GTF2E2: variants seen among roughly 807,000 people sequenced by gnomAD.
GTF2E2 encodes general transcription factor IIE subunit 2.
Under a neutral mutation model 40.5 loss-of-function variants are expected in GTF2E2, and 21 were observed. The observed-to-expected ratio is 0.52, with a 90% CI of 0.37 to 0.75. The LOEUF is 0.75. Among genes scored for constraint, GTF2E2 ranks in the 30% least tolerant of loss-of-function variants. The probability of loss-of-function intolerance (pLI) is 0.00; values close to 1 mark genes in which losing one functional copy is unlikely to be tolerated. For synonymous variants in GTF2E2, 117 were observed against 121.6 expected, an observed-to-expected ratio of 0.96 and a Z score of 0.25; for missense variants, 298 against 338.4, an observed-to-expected ratio of 0.88 and a Z score of 0.94.
At chr8:30,588,867 G>A (rs1012585560) in intron 6 of GTF2E2, among the ~76,000 whole-genome samples, 3 of 152,180 alleles carry the variant, frequency 2.0e-5, no homozygotes, top group African/African-American at 2.4e-5. Context: ...AAGATAATAC[G>A]TTTGTGTTGT....
At chr8:30,614,805 G>A (rs984968262) in intron 3 of GTF2E2, 90 bp from the exon 4 acceptor site, 9 of 702,492 alleles carry the variant, frequency 1.3e-5, no homozygotes, top group African/African-American at 1.1e-4. Flanking sequence ...CTTCAGGAAT[G>A]AAAAACATGT....
intron 2 of GTF2E2, among the ~76,000 whole-genome samples, chr8:30,637,906 C>T (rs923854555): frequency 2.6e-5 from 4 of 152,212 alleles, no homozygotes; most frequent in Non-Finnish European, 5.9e-5. Flanking sequence ...AATTAAAAAC[C>T]TTCATTCTGT....
chr8:30,632,777 A>G (rs1585986973), intron 3 of GTF2E2, among the ~76,000 whole-genome samples: 1 of 152,206 alleles, frequency 6.6e-6, no homozygotes, highest in Non-Finnish European at 1.5e-5. Flanking sequence ...TTTGCTTTCA[A>G]TAAAACTGAA....
At chr8:30,607,193 T>G in intron 5 of GTF2E2, 43 bp from the exon 6 acceptor site, 1 of 735,212 alleles carries the variant, frequency 1.4e-6, no homozygotes, top group Non-Finnish European at 2.3e-6. Flanking sequence ...TAACTCCAAA[T>G]TACCTCACCA....
At chr8:30,620,629 A>G (rs1272343007) in intron 3 of GTF2E2, among the ~76,000 whole-genome samples, 2 of 152,124 alleles carry the variant, frequency 1.3e-5, no homozygotes, top group Non-Finnish European at 2.9e-5. Flanking sequence ...GAAAATTTTA[A>G]TAAGAGTTAG....
chr8:30,632,741 T>TGG (rs1801478391), intron 3 of GTF2E2, among the ~76,000 whole-genome samples: 1 of 152,142 alleles, frequency 6.6e-6, no homozygotes, highest in Middle Eastern at 3.2e-3. Context: ...AACAAATCCT[T>TGG]TGGCAAGTTG....
intron 1 of GTF2E2, among the ~76,000 whole-genome samples, chr8:30,655,566 A>G (rs1017470177): frequency 6.6e-6 from 1 of 152,212 alleles, no homozygotes; most frequent in African/African-American, 2.4e-5. Context: ...CTCTGGTCCC[A>G]TTATTACTGG....
At chr8:30,625,611 T>C (rs1248651337) in intron 3 of GTF2E2, among the ~76,000 whole-genome samples, 2 of 151,244 alleles carry the variant, frequency 1.3e-5, no homozygotes, top group Non-Finnish European at 2.9e-5. Flanking sequence ...CACTGTCTGT[T>C]GTTTTTTGTT....
intron 5 of GTF2E2, among the ~76,000 whole-genome samples, chr8:30,610,222 G>A (rs1047969993): frequency 6.6e-6 from 1 of 152,126 alleles, no homozygotes; most frequent in Non-Finnish European, 1.5e-5. Context: ...AGGGTGGGCA[G>A]ATCACTTGAG....
chr8:30,653,603 C>A lies in GTF2E2; in HGVS notation c.-4-1G>T. On this transcript the variant is annotated splice_acceptor_variant, in intron 1 of 7. Coordinates refer to ENST00000355904, the MANE Select transcript of GTF2E2 (RefSeq NM_002095.6). LOFTEE classifies it low-confidence loss of function (5UTR_SPLICE). ...TCTCAACAGGCTTGGATCCATAATG[C>A]TACAAAGAAAAAATAAGTGTCTTTA... 1 of 1,602,398 alleles carries A rather than the reference C, an allele frequency of 6.2e-7. No homozygotes were observed. The highest frequency in any genetic ancestry group is 1.8e-5 in the Admixed American group (1 of 56,852).
chr8:30,592,236 A>G (rs1361334415), intron 6 of GTF2E2, among the ~76,000 whole-genome samples: 1 of 152,132 alleles, frequency 6.6e-6, no homozygotes, highest in Non-Finnish European at 1.5e-5. Flanking sequence ...AACATTAGCC[A>G]GGCATGGTGA....
chr8:30,590,889 C>T (rs1828828394), intron 6 of GTF2E2, among the ~76,000 whole-genome samples: 1 of 152,060 alleles, frequency 6.6e-6, no homozygotes, highest in African/African-American at 2.4e-5. Context: ...CAGGGTTTTG[C>T]CATGTTGGCC....
intron 3 of GTF2E2, among the ~76,000 whole-genome samples, chr8:30,615,090 C>A (rs1162288628): frequency 3.9e-5 from 6 of 152,012 alleles, no homozygotes; most frequent in Non-Finnish European, 8.8e-5. Context: ...ACCAGCCTGG[C>A]CAACATGGTG....
intron 3 of GTF2E2, among the ~76,000 whole-genome samples, chr8:30,627,427 G>A (rs947524954): frequency 1.4e-5 from 2 of 143,236 alleles, no homozygotes; most frequent in Admixed American, 7.1e-5. Flanking sequence ...ACTGGCTCAC[G>A]GCAAGGTTTT....
chr8:30,642,561 G>T lies in GTF2E2; in HGVS notation c.167-7438C>A, dbSNP rs113422759. Reference sequence around the variant, plus strand: ...TAAGAAGCCTCAAACATATCCCTGTGCCTCACTCTCCTCCCGATGGATCCC... The same window carrying T: ...TAAGAAGCCTCAAACATATCCCTGTTCCTCACTCTCCTCCCGATGGATCCC... On this transcript the variant is annotated intron_variant, in intron 2 of 7. Coordinates refer to ENST00000355904, the MANE Select transcript of GTF2E2 (RefSeq NM_002095.6). Among the ~76,000 whole-genome samples the T allele has an allele frequency of 8.0e-3, 1,222 of 152,254 alleles. 14 individuals carry two copies. The highest frequency in any genetic ancestry group is 0.027 in the African/African-American group (1,133 of 41,548).
intron 3 of GTF2E2, among the ~76,000 whole-genome samples, chr8:30,626,537 T>C (rs62505308): frequency 0.36 from 54,417 of 152,140 alleles, 10,745 homozygotes; most frequent in South Asian, 0.55. Context: ...TTTTTGCAAC[T>C]TTCTCAGTTA....
At chr8:30,621,303 TC>T (rs1801094665) in intron 3 of GTF2E2, among the ~76,000 whole-genome samples, 2 of 151,916 alleles carry the variant, frequency 1.3e-5, no homozygotes, top group Non-Finnish European at 2.9e-5. Flanking sequence ...CAGAAAAAAA[TC>T]AATGACAGAA....
chr8:30,602,257 A>G (rs923204819), intron 6 of GTF2E2, among the ~76,000 whole-genome samples: 1 of 152,176 alleles, frequency 6.6e-6, no homozygotes, highest in African/African-American at 2.4e-5. Flanking sequence ...ACCTCAAGTG[A>G]TCGCCTAAGG....
intron 5 of GTF2E2, among the ~76,000 whole-genome samples, chr8:30,610,767 T>G (rs942244038): frequency 1.2e-4 from 19 of 152,176 alleles, no homozygotes; most frequent in African/African-American, 4.3e-4. Context: ...GACATTAGAT[T>G]TGGCAGTGAT....
Sources: allele counts gnomAD v4.1 joint callset (sites outside exome capture counted in the v4.1 genomes callset), GRCh38; gene constraint gnomAD v4.1.1; transcripts MANE v1.5; gene names NCBI Gene and HGNC (gene_info 2026-07-23, HGNC 2026-07-21).